The following SCAF1 variants were observed in gnomAD, a reference collection of about 807,000 sequenced individuals.
SCAF1 encodes splicing factor, arginine/serine-rich 19.
Under a neutral mutation model 91.2 loss-of-function variants are expected in SCAF1, and 28 were observed. The ratio of observed to expected loss-of-function variants is 0.31; its 90% CI spans 0.23 to 0.42. The LOEUF is 0.42. SCAF1 is among the 10% of genes least tolerant of loss of function. SCAF1 has a pLI of 1.00. For missense variants in SCAF1, 1,893 were observed against 1,872.1 expected, an observed-to-expected ratio of 1.01 and a Z score of -0.21; for synonymous variants, 1,036 against 833.7, an observed-to-expected ratio of 1.24 and a Z score of -4.18.
At chr19:49,654,622 A>G in intron 8 of SCAF1, 30 bp from the exon 9 acceptor site, 2 of 1,550,194 alleles carry the variant, frequency 1.3e-6, no homozygotes, top group Non-Finnish European at 1.8e-6. Flanking sequence ...ACCTCCCTTT[A>G]CTCATCACCC....
chr19:49,651,927 C>A lies in SCAF1; in HGVS notation c.1538C>A (p.Pro513Gln). Residue 513 changes from proline (P) to glutamine (Q), a missense_variant, in exon 7 of 11, where the codon CCG becomes CAG. Coordinates refer to ENST00000360565, the MANE Select transcript of SCAF1 (RefSeq NM_021228.3). Reference protein sequence around the residue: ...PAPAPAAAAGPPTRKKSRRER... With the variant: ...PAPAPAAAAGQPTRKKSRRER... ...CCCGCCCCGGCCGCCGCTGCTGGTC[C>A]GCCCACGCGCAAGAAGTCCAGGCGG... 8.6e-7 allele frequency: 1 copy of A among 1,164,510 alleles called. No individual in the cohort carries two copies. The highest frequency in any genetic ancestry group is 2.1e-5 in the South Asian group (1 of 48,120). The allele number at this position is 1,164,510 out of a possible 1,614,324, so 72.1% of individuals were successfully genotyped here. A position where few individuals can be genotyped will look rare whatever the true frequency, so the allele number is the denominator to read the frequency against.
chr19:49,657,664 A>G, intron 9 of SCAF1, 97 bp from the exon 10 acceptor site: 1 of 1,419,886 alleles, frequency 7.0e-7, no homozygotes, highest in Non-Finnish European at 9.5e-7. Flanking sequence ...GGACGGCCAG[A>G]GAGGTTAGGC....
At chr19:49,644,281 G>A (rs1249806069) in intron 1 of SCAF1, among the ~76,000 whole-genome samples, 6 of 152,186 alleles carry the variant, frequency 3.9e-5, no homozygotes, top group Non-Finnish European at 7.3e-5. Context: ...TTTGATGGAT[G>A]ATCTTTCAAC....
chr19:49,648,727 C>A (rs917011008), intron 6 of SCAF1, among the ~76,000 whole-genome samples: 6 of 152,048 alleles, frequency 3.9e-5, no homozygotes, highest in African/African-American at 1.4e-4. Flanking sequence ...AATCCCAGCA[C>A]TTTGGGAGGC....
Position 49,646,979 on chromosome 19 carries a change from A to G in SCAF1, c.478+149A>G. On this transcript the variant is annotated intron_variant, in intron 6 of 10. Coordinates refer to ENST00000360565, the MANE Select transcript of SCAF1 (RefSeq NM_021228.3). The surrounding 1 kb of genome is among the most constrained non-coding windows in gnomAD (Gnocchi z 5.6). ...TAGACGTGATTAAGGCTGTAGGCGC[A>G]TACAGATGTACATAAAGTAAAAACT... 4.6e-6 allele frequency: 3 copies of G among 647,050 alleles called. No homozygotes were observed. Among genetic ancestry groups the G allele is most frequent in the Non-Finnish European group, 7.9e-6 (3 of 378,620 alleles). The allele number at this position is 647,050 out of a possible 1,614,324, so 40.1% of individuals were successfully genotyped here.
Position 49,652,796 on chromosome 19 carries a change from C to T in SCAF1, c.2407C>T (p.Pro803Ser). Residue 803 changes from proline to serine, a missense_variant, in exon 7 of 11, where the codon CCT becomes TCT. By Grantham distance (74) the Pro-to-Ser change is moderately conservative. Transcript: ENST00000360565. The stretch of plus-strand genomic sequence containing the variant: ...GGCCCGGCCCCCCAAGGAGTCGGCG[C>T]CTTCCTCAGGGCCCCCGCCAAAGCC... The part of the protein sequence containing the change: ...KKARPPKESA[P>S]SSGPPPKPPV... The T allele has an allele frequency of 6.2e-7, 1 of 1,613,670 alleles. No homozygotes were observed. Among genetic ancestry groups the T allele is most frequent in the Non-Finnish European group, 8.5e-7 (1 of 1,179,924 alleles).
rs1368888363 is a variant in SCAF1 at position 49,651,033 on chromosome 19, C to T, written c.644C>T (p.Pro215Leu). The change falls in exon 7 of 11, where the codon CCT becomes CTT. Residue 215 changes from proline (P) to leucine (L), a missense_variant. This residue lies in a region of SCAF1 where 270 missense variants were observed against 292.5 expected (regional missense o/e 0.92). Coordinates refer to ENST00000360565, the MANE Select transcript of SCAF1 (RefSeq NM_021228.3). ...SPSPPPPPPP[P>L]APPAPPAPRF... The stretch of plus-strand genomic sequence containing the variant: ...TCCCCTCCCCCACCCCCACCGCCCC[C>T]TGCACCCCCAGCCCCACCTGCCCCC... 1.5e-5 allele frequency: 12 copies of T among 778,086 alleles called. No individual in the cohort carries two copies. Among genetic ancestry groups the T allele is most frequent in the Non-Finnish European group, 2.2e-5 (11 of 508,022 alleles). The allele number at this position is 778,086 out of a possible 1,614,324, so 48.2% of individuals were successfully genotyped here. A position where few individuals can be genotyped will look rare whatever the true frequency, so the allele number is the denominator to read the frequency against.
intron 9 of SCAF1, 27 bp downstream of exon 9, chr19:49,654,897 C>T (rs201147397): frequency 1.3e-5 from 19 of 1,503,560 alleles, no homozygotes; most frequent in African/African-American, 5.6e-5. Flanking sequence ...AGAGGTGGGG[C>T]GGTGCTGACA....
At position 49,658,458 on chromosome 19, in the gene SCAF1, C is replaced by A; in HGVS notation, c.*59C>A. ...TGAAACTCTGGACGTATTTATGGCT[C>A]CACCTCCCCACCTCCCTCCCCCGTC... On this transcript the variant is annotated 3_prime_UTR_variant, in exon 11 of 11. Coordinates refer to ENST00000360565, the MANE Select transcript of SCAF1 (RefSeq NM_021228.3). The A allele has an allele frequency of 1.2e-6, 1 of 843,810 alleles. No homozygotes were observed. Among genetic ancestry groups the A allele is most frequent in the Non-Finnish European group, 1.8e-6 (1 of 547,856 alleles). 52.3% of individuals were successfully genotyped at this position (843,810 alleles called of 1,614,324 possible).
Position 49,642,552 on chromosome 19 carries a change from C to T in SCAF1, c.-7+310C>T, listed in dbSNP as rs544370290. On this transcript the variant is annotated intron_variant, in intron 1 of 10. Transcript: ENST00000360565. The surrounding 1 kb of genome is among the most constrained non-coding windows in gnomAD (Gnocchi z 4.0). ...ATCACACAGCTGGCCTGGATCGTGT[C>T]TGTAGACACTGTAGATTGTCTTTTT... The T allele has an allele frequency of 1.3e-5, 2 of 152,414 alleles. No individual in the cohort carries two copies. The highest frequency in any genetic ancestry group is 4.8e-5 in the African/African-American group (2 of 41,550). 9.4% of individuals were successfully genotyped at this position (152,414 alleles called of 1,614,324 possible). A position where few individuals can be genotyped will look rare whatever the true frequency, so the allele number is the denominator to read the frequency against.
At chr19:49,643,954 G>A (rs1194201895) in intron 1 of SCAF1, among the ~76,000 whole-genome samples, 3 of 152,124 alleles carry the variant, frequency 2.0e-5, no homozygotes, top group African/African-American at 7.2e-5. Context: ...TGGGGGAAGC[G>A]AGGAGACAGA....
rs1458048488 is a variant in SCAF1 at position 49,652,794 on chromosome 19, C to T, written c.2405C>T (p.Ala802Val). 3 of 1,613,402 alleles carry T rather than the reference C, an allele frequency of 1.9e-6. No homozygotes were observed. The highest frequency in any genetic ancestry group is 2.5e-6 in the Non-Finnish European group (3 of 1,179,842). Residue 802 changes from alanine (A) to valine (V), a missense_variant, in exon 7 of 11, where the codon GCG becomes GTG. By Grantham distance (64) the Ala-to-Val change is moderately conservative. Coordinates refer to ENST00000360565, the MANE Select transcript of SCAF1 (RefSeq NM_021228.3). ...AAGGCCCGGCCCCCCAAGGAGTCGG[C>T]GCCTTCCTCAGGGCCCCCGCCAAAG... ...SKKARPPKES[A>V]PSSGPPPKPP...
rs1219601659 is a variant in SCAF1 at position 49,646,952 on chromosome 19, A to G, written c.478+122A>G. 3 of 702,088 alleles carry G rather than the reference A, an allele frequency of 4.3e-6. No homozygotes were observed. The highest frequency in any genetic ancestry group is 4.7e-6 in the Non-Finnish European group (2 of 425,906). The allele number at this position is 702,088 out of a possible 1,614,324, so 43.5% of individuals were successfully genotyped here. ...GACAAAACCTTTCCCTTCTCTTCGT[A>G]TTAGACGTGATTAAGGCTGTAGGCG... is the stretch of plus-strand genomic sequence containing the variant. On this transcript the variant is annotated intron_variant, in intron 6 of 10. Transcript: ENST00000360565. This position sits in a 1 kb window ranked among gnomAD's most constrained non-coding sequence, Gnocchi z 5.6.
rs1382985634 is a variant in SCAF1 at position 49,652,332 on chromosome 19, G to A, written c.1943G>A (p.Arg648Gln). Residue 648 changes from arginine (R) to glutamine (Q), a missense_variant, in exon 7 of 11, where the codon CGG becomes CAG. Coordinates refer to ENST00000360565, the MANE Select transcript of SCAF1 (RefSeq NM_021228.3). Reference protein sequence around the residue: ...GGSKKKKKRSRSRGEKRSGDG... With the variant: ...GGSKKKKKRSQSRGEKRSGDG... ...AGCAAGAAGAAGAAGAAGCGGTCGC[G>A]GTCCCGGGGTGAGAAGCGGTCTGGG... 12 of 1,534,614 alleles carry A rather than the reference G, an allele frequency of 7.8e-6. No individual in the cohort carries two copies. The highest frequency in any genetic ancestry group is 1.0e-5 in the Non-Finnish European group (12 of 1,142,942).
chr19:49,654,714 T>G lies in SCAF1; in HGVS notation c.3462T>G (p.Ser1154=). 6.2e-7 allele frequency: 1 copy of G among 1,614,100 alleles called. No homozygotes were observed. The highest frequency in any genetic ancestry group is 8.5e-7 in the Non-Finnish European group (1 of 1,179,984). The change falls in exon 9 of 11, where the codon TCT becomes TCG. Residue 1154 remains serine, a synonymous_variant. Coordinates refer to ENST00000360565, the MANE Select transcript of SCAF1 (RefSeq NM_021228.3). ...LGMTPAPVPT[S]LGLPPGPSSY... ...TGACCCCAGCTCCTGTGCCCACCTC[T>G]TTGGGTCTGCCCCCTGGCCCCTCCA... is the stretch of plus-strand genomic sequence containing the variant.
rs1005885173 is a variant in SCAF1 at position 49,652,318 on chromosome 19, G to A, written c.1929G>A (p.Lys643=). Residue 643 remains lysine, a synonymous_variant, in exon 7 of 11, where the codon AAG becomes AAA. Transcript: ENST00000360565. ...GGGACGGTGGCGGCAGCAAGAAGAAGAAGAAGCGGTCGCGGTCCCGGGGTG... is the reference window on the plus strand; with the variant it reads ...GGGACGGTGGCGGCAGCAAGAAGAAAAAGAAGCGGTCGCGGTCCCGGGGTG... ...KHRDGGGSKK[K]KKRSRSRGEK... 3.4e-5 allele frequency: 52 copies of A among 1,534,938 alleles called. No individual in the cohort carries two copies. Among genetic ancestry groups the A allele is most frequent in the Non-Finnish European group, 3.8e-5 (43 of 1,143,374 alleles).
rs2081080893 is a variant in SCAF1, at chr19:49,650,858, T to TC, written c.479-8dup. The TC allele has an allele frequency of 6.2e-7, 1 of 1,604,476 alleles. No homozygotes were observed. Among genetic ancestry groups the TC allele is most frequent in the East Asian group, 2.2e-5 (1 of 44,748 alleles). ...GCCCTGACCGCCTCTCTCTCCCTGT[T>TC]CCTTTGCAGTTTCTCCACAGTCGAA... On this transcript the variant is annotated splice_polypyrimidine_tract_variant and intron_variant, in intron 6 of 10. Coordinates refer to ENST00000360565, the MANE Select transcript of SCAF1 (RefSeq NM_021228.3).
Position 49,646,065 on chromosome 19 carries a change from G to A in SCAF1, c.167-43G>A, listed in dbSNP as rs775320077. 6 of 1,558,682 alleles carry A rather than the reference G, an allele frequency of 3.8e-6. 1 individual carries two copies. In the South Asian group the frequency reaches 5.6e-5, roughly 14 times the overall value. ...TTCCTCTACCCCGCAAGTCTCTGCA[G>A]CAAGTCCCCTGTGTCCAATCCCCCA... On this transcript the variant is annotated intron_variant, in intron 3 of 10. Coordinates refer to ENST00000360565, the MANE Select transcript of SCAF1 (RefSeq NM_021228.3). The surrounding 1 kb of genome is among the most constrained non-coding windows in gnomAD (Gnocchi z 5.6).
intron 8 of SCAF1, 64 bp downstream of exon 8, chr19:49,654,495 A>G: frequency 6.6e-7 from 1 of 1,517,298 alleles, no homozygotes; most frequent in Non-Finnish European, 9.1e-7. Flanking sequence ...GGGTTAGGAG[A>G]GGAACCGCGG....
Sources: allele counts gnomAD v4.1 joint callset (sites outside exome capture counted in the v4.1 genomes callset), GRCh38; gene constraint gnomAD v4.1.1; regional missense constraint gnomAD v4.1.1; non-coding constraint Gnocchi (gnomAD v3.1); transcripts MANE v1.5; gene names NCBI Gene and HGNC (gene_info 2026-07-23, HGNC 2026-07-21).